The following SAMD5 variants were observed in gnomAD, a reference collection of about 807,000 sequenced individuals.
The protein encoded by SAMD5 is sterile alpha motif domain-containing protein 5.
In SAMD5, 13 loss-of-function variants were observed where a neutral mutation model predicts 11.3. That is an observed-to-expected ratio of 1.15 (90% CI 0.75 to 1.83). SAMD5 has a LOEUF of 1.83. Ranked by LOEUF, SAMD5 falls within the 40% of genes most tolerant of loss-of-function variation. SAMD5 has a pLI of 0.00. For missense variants in SAMD5, 255 were observed against 239.1 expected, an observed-to-expected ratio of 1.07 and a Z score of -0.44; for synonymous variants, 129 against 111.3, an observed-to-expected ratio of 1.16 and a Z score of -1.00.
intron 1 of SAMD5, among the ~76,000 whole-genome samples, chr6:147,680,411 A>G (rs2128456272): frequency 6.6e-6 from 1 of 152,238 alleles, no homozygotes; most frequent in Non-Finnish European, 1.5e-5. Flanking sequence ...GTTCTGGTAA[A>G]CACATTATTA....
chr6:147,890,534 T>G, the SAMD5 span, among the ~76,000 whole-genome samples: 5 of 152,024 alleles, frequency 3.3e-5, no homozygotes, highest in Admixed American at 2.6e-4. Context: ...AATTTTTGTA[T>G]TTTTAGTAGA....
the SAMD5 span, among the ~76,000 whole-genome samples, chr6:147,753,487 A>C: frequency 6.6e-6 from 1 of 152,198 alleles, no homozygotes; most frequent in Non-Finnish European, 1.5e-5. Context: ...ACAGGCATGC[A>C]ATGTAAAATA....
chr6:147,799,862 G>A, the SAMD5 span, among the ~76,000 whole-genome samples: 55 of 151,880 alleles, frequency 3.6e-4, no homozygotes, highest in African/African-American at 1.2e-3. Flanking sequence ...TGATCACATC[G>A]GCTCCTGAGG....
the SAMD5 span, among the ~76,000 whole-genome samples, chr6:147,904,619 C>T: frequency 1.3e-5 from 2 of 152,180 alleles, no homozygotes; most frequent in East Asian, 1.9e-4. Context: ...TCACAAAAGT[C>T]AGTGACTCAC....
the SAMD5 span, among the ~76,000 whole-genome samples, chr6:147,913,011 C>T: frequency 6.6e-6 from 1 of 152,052 alleles, no homozygotes; most frequent in African/African-American, 2.4e-5. Context: ...TCTAAGTATA[C>T]CTTCTTGTAC....
At chr6:147,730,264 C>T (rs1321774386) in intron 1 of SAMD5, 3 of 360,012 alleles carry the variant, frequency 8.3e-6, no homozygotes, top group East Asian at 1.5e-4. Flanking sequence ...CCCTGACTTA[C>T]ATTAATGGGA....
chr6:147,542,486 A>G (rs1362546936), intron 1 of SAMD5, among the ~76,000 whole-genome samples: 1 of 152,184 alleles, frequency 6.6e-6, no homozygotes, highest in Non-Finnish European at 1.5e-5. Flanking sequence ...CTCCCTGAGC[A>G]TTCAGGAATC....
chr6:147,853,652 T>A, the SAMD5 span, among the ~76,000 whole-genome samples: 1 of 152,076 alleles, frequency 6.6e-6, no homozygotes, highest in Non-Finnish European at 1.5e-5. Context: ...TACATATCAA[T>A]TAATGTTTCC....
At chr6:147,952,761 G>A in the SAMD5 span, among the ~76,000 whole-genome samples, 58,568 of 152,052 alleles carry the variant, frequency 0.39, 11,691 homozygotes, top group African/African-American at 0.5. Flanking sequence ...TGATCCTCCC[G>A]CCTTGGCCTC....
In SAMD5 at chr6:147,623,264, A is replaced by C. The variant is rs535257214; in HGVS notation, c.162+113877A>C. Among the ~76,000 whole-genome samples the C allele has an allele frequency of 2.6e-5, 4 of 152,334 alleles. No individual in the cohort carries two copies. The South Asian group carries it at 8.3e-4, about 32-fold the overall frequency. On this transcript the variant is annotated intron_variant, in intron 1 of 1. Transcript: ENST00000566741. Reference sequence around the variant, plus strand: ...CCAGACACCCCAGAGCCTGTCTGCTATTCTTATCAGCCATTTAGCTATTCT... The same window carrying C: ...CCAGACACCCCAGAGCCTGTCTGCTCTTCTTATCAGCCATTTAGCTATTCT...
At chr6:147,718,079 C>A (rs771855175) in intron 1 of SAMD5, among the ~76,000 whole-genome samples, 34 of 152,054 alleles carry the variant, frequency 2.2e-4, no homozygotes, top group Admixed American at 3.3e-4. Context: ...AAAGTATTGG[C>A]TTTGATCCTA....
chr6:147,943,677 T>C, the SAMD5 span, among the ~76,000 whole-genome samples: 432 of 152,234 alleles, frequency 2.8e-3, 17 homozygotes, highest in East Asian at 0.069. Flanking sequence ...AAATGTATCA[T>C]ATTCATAAGG....
chr6:147,883,544 G>A, the SAMD5 span, among the ~76,000 whole-genome samples: 1 of 148,576 alleles, frequency 6.7e-6, no homozygotes, highest in Non-Finnish European at 1.5e-5. Context: ...AAACTGTTCT[G>A]TAAATCCTTT....
the SAMD5 span, among the ~76,000 whole-genome samples, chr6:147,921,597 C>G: frequency 6.6e-6 from 1 of 152,162 alleles, no homozygotes; most frequent in Non-Finnish European, 1.5e-5. Context: ...GGGGACTTTT[C>G]CAAGACCACA....
the SAMD5 span, among the ~76,000 whole-genome samples, chr6:147,792,706 A>C: frequency 1.3e-4 from 20 of 152,180 alleles, no homozygotes; most frequent in Non-Finnish European, 1.8e-4. Flanking sequence ...ATGAGCCTGT[A>C]GCATTTTGTA....
chr6:147,587,220 G>T (rs1263767180), intron 1 of SAMD5, among the ~76,000 whole-genome samples: 1 of 151,956 alleles, frequency 6.6e-6, no homozygotes, highest in Non-Finnish European at 1.5e-5. Context: ...TTTTTTCAAT[G>T]ACTATTTTTG....
At chr6:147,823,506 C>T in the SAMD5 span, among the ~76,000 whole-genome samples, 74 of 152,296 alleles carry the variant, frequency 4.9e-4, no homozygotes, top group Non-Finnish European at 6.6e-4. Context: ...ACAGAACCTG[C>T]GGTCTCGTAC....
chr6:147,919,206 C>G, the SAMD5 span, among the ~76,000 whole-genome samples: 1 of 152,122 alleles, frequency 6.6e-6, no homozygotes, highest in East Asian at 1.9e-4. Flanking sequence ...TAAGAAGCCA[C>G]GTGTTACGAA....
intron 1 of SAMD5, among the ~76,000 whole-genome samples, chr6:147,651,129 CA>C (rs1790477495): frequency 6.6e-6 from 1 of 152,148 alleles, no homozygotes; most frequent in Non-Finnish European, 1.5e-5. Flanking sequence ...ATGTATTGTC[CA>C]AAGGAATTGG....
Sources: allele counts gnomAD v4.1 joint callset (sites outside exome capture counted in the v4.1 genomes callset), GRCh38; gene constraint gnomAD v4.1.1; transcripts MANE v1.5; gene names NCBI Gene and HGNC (gene_info 2026-07-23, HGNC 2026-07-21).